WASHC2A: variants seen among roughly 807,000 people sequenced by gnomAD.
WASHC2A encodes the protein WASH complex subunit 2A.
WASHC2A carries 82 observed loss-of-function variants against 140.3 expected under a neutral mutation model. That is an observed-to-expected ratio of 0.58 (90% CI 0.49 to 0.70). WASHC2A has a LOEUF of 0.70. Ranked by LOEUF, WASHC2A falls within the 30% of genes least tolerant of loss-of-function variation. The pLI is 0.00. For synonymous variants in WASHC2A, 340 were observed against 560.8 expected (o/e 0.61, Z 5.56); for missense variants, 985 against 1,521.8 (o/e 0.65, Z 5.87).
In WASHC2A at chr10:50,129,539, G is replaced by A. The variant is rs765805318; in HGVS notation, c.3208G>A (p.Ala1070Thr). 3.1e-6 allele frequency: 5 copies of A among 1,612,058 alleles called. No individual in the cohort carries two copies. The highest frequency in any genetic ancestry group is 4.2e-6 in the Non-Finnish European group (5 of 1,179,866). The stretch of plus-strand genomic sequence containing the variant: ...CCCCAGAGGACCCATTGCACAGTGG[G>A]CTGATGGCGCCATTTCCCCAAATGG... ...SVPRGPIAQWADGAISPNGHR... is the reference protein window; with the variant it reads ...SVPRGPIAQWTDGAISPNGHR... Residue 1070 changes from alanine (A) to threonine (T), a missense_variant, in exon 29 of 31, where the codon GCT becomes ACT. Transcript: ENST00000282633.
At chr10:50,075,495 T>G (rs1399974107) in intron 3 of WASHC2A, among the ~76,000 whole-genome samples, 1 of 151,976 alleles carries the variant, frequency 6.6e-6, no homozygotes, top group Non-Finnish European at 1.5e-5. Flanking sequence ...AGCCTCAAAC[T>G]CCTGGGCTCA....
chr10:50,130,063 G>C, intron 29 of WASHC2A, 24 bp downstream of exon 29: 1 of 1,611,638 alleles, frequency 6.2e-7, no homozygotes, highest in Non-Finnish European at 8.5e-7. Flanking sequence ...ACACGTTTTT[G>C]TGTCTGTTCT....
Position 50,088,962 on chromosome 10 carries a change from T to C in WASHC2A, c.732+1640T>C, listed in dbSNP as rs1470292982. Among the ~76,000 whole-genome samples the C allele has an allele frequency of 4.2e-5, 4 of 95,992 alleles. No homozygotes were observed. The East Asian group carries it at 1.0e-3, about 25-fold the overall frequency. The allele number at this position is 95,992 out of a possible 152,430, so 63.0% of individuals were successfully genotyped here. On this transcript the variant is annotated intron_variant, in intron 8 of 30. Transcript: ENST00000282633. ...AATGCAAACAGTTTTTCTTTCCTTT[T>C]TTTTTTTTTTTTTTTTTTTTGAGAC...
Position 50,069,691 on chromosome 10 carries a change from A to G in WASHC2A, c.271A>G (p.Asn91Asp), listed in dbSNP as rs782276426. 2 of 1,613,162 alleles carry G rather than the reference A, an allele frequency of 1.2e-6. No individual in the cohort carries two copies. The highest frequency in any genetic ancestry group is 1.7e-6 in the Non-Finnish European group (2 of 1,179,668). Reference sequence around the variant, plus strand: ...CTTCAATGACTTCCTTATGCTCTCTAATACCCAGTTCATTGAGAATGTGAG... The same window carrying G: ...CTTCAATGACTTCCTTATGCTCTCTGATACCCAGTTCATTGAGAATGTGAG... The part of the protein sequence containing the change: ...NVFNDFLMLS[N>D]TQFIENRVYD... The change falls in exon 3 of 31, where the codon AAT (asparagine) becomes GAT (aspartate). Residue 91 changes from asparagine to aspartate, a missense_variant. Physicochemically the swap from Asn to Asp is conservative, Grantham distance 23 (BLOSUM62 1). Coordinates refer to ENST00000282633, the MANE Select transcript of WASHC2A (RefSeq NM_001005751.3).
intron 3 of WASHC2A, 54 bp downstream of exon 3, chr10:50,069,765 A>C: frequency 6.5e-7 from 1 of 1,532,642 alleles, no homozygotes; most frequent in Non-Finnish European, 8.8e-7. Context: ...AGATATTGTA[A>C]TTTTAAATAA....
At chr10:50,079,058 T>TG (rs1253702365) in intron 4 of WASHC2A, among the ~76,000 whole-genome samples, 2 of 150,480 alleles carry the variant, frequency 1.3e-5, no homozygotes, top group Non-Finnish European at 3.0e-5. Flanking sequence ...GAGTTACAGA[T>TG]GGACCAGCCT....
chr10:50,100,871 T>C (rs1475146877), intron 17 of WASHC2A, among the ~76,000 whole-genome samples: 2 of 152,310 alleles, frequency 1.3e-5, no homozygotes, highest in Non-Finnish European at 2.9e-5. Context: ...CTGCTTTTCC[T>C]GAGTCTCTCA....
chr10:50,106,709 A>T (rs540834574), intron 19 of WASHC2A, among the ~76,000 whole-genome samples: 43 of 137,648 alleles, frequency 3.1e-4, no homozygotes, highest in African/African-American at 9.9e-4. Context: ...CCTTCAAATG[A>T]GTTAGGCCGG....
At chr10:50,085,015 T>C (rs1839267869) in intron 6 of WASHC2A, among the ~76,000 whole-genome samples, 1 of 111,016 alleles carries the variant, frequency 9.0e-6, no homozygotes, top group African/African-American at 3.8e-5. Flanking sequence ...ACATCTCTTG[T>C]ATAATCACAG....
intron 8 of WASHC2A, 53 bp downstream of exon 8, chr10:50,087,375 G>A: frequency 1.2e-6 from 2 of 1,608,994 alleles, no homozygotes; most frequent in East Asian, 2.2e-5. Flanking sequence ...TTGAAGCATA[G>A]TATATATACT....
intron 17 of WASHC2A, among the ~76,000 whole-genome samples, chr10:50,102,183 G>A (rs1841266092): frequency 6.6e-6 from 1 of 152,164 alleles, no homozygotes; most frequent in Admixed American, 6.5e-5. Context: ...TAGAGCGAAT[G>A]TTTTTATTGG....
chr10:50,131,021 C>T lies in WASHC2A; in HGVS notation c.3829C>T (p.Pro1277Ser), dbSNP rs1843920800. The T allele has an allele frequency of 6.2e-7, 1 of 1,610,608 alleles. No individual in the cohort carries two copies. The highest frequency in any genetic ancestry group is 2.2e-5 in the East Asian group (1 of 44,868). The change falls in exon 30 of 31, where the codon CCA becomes TCA. Residue 1277 changes from proline (P) to serine (S), a missense_variant. Transcript: ENST00000282633. ...IDIFADLTVK[P>S]KEKSKKKVEA... Reference sequence around the variant, plus strand: ...TATCTTTGCTGACTTAACTGTAAAACCAAAAGAAAAGTCCAAAAAGAAAGT... The same window carrying T: ...TATCTTTGCTGACTTAACTGTAAAATCAAAAGAAAAGTCCAAAAAGAAAGT...
At chr10:50,079,826 A>G (rs1219410832) in intron 4 of WASHC2A, among the ~76,000 whole-genome samples, 2 of 151,964 alleles carry the variant, frequency 1.3e-5, no homozygotes, top group Non-Finnish European at 2.9e-5. Flanking sequence ...AAAAACTGCT[A>G]TATATTTCAT....
Position 50,091,533 on chromosome 10 carries a change from C to G in WASHC2A, c.931+15C>G, listed in dbSNP as rs1316825266. On this transcript the variant is annotated intron_variant, in intron 10 of 30. Coordinates refer to ENST00000282633, the MANE Select transcript of WASHC2A (RefSeq NM_001005751.3). ...GGAGCCGACAAGTGAGCCCCAGCCG[C>G]GTTGATGGGGAGTAGGGGGGGAGTA... 1.3e-6 allele frequency: 2 copies of G among 1,549,608 alleles called. No homozygotes were observed. The highest frequency in any genetic ancestry group is 1.7e-6 in the Non-Finnish European group (2 of 1,146,838).
chr10:50,115,282 A>G (rs1445831532), intron 21 of WASHC2A, among the ~76,000 whole-genome samples: 65 of 40,098 alleles, frequency 1.6e-3, no homozygotes, highest in African/African-American at 5.8e-3. Flanking sequence ...TATGTTGACC[A>G]AAAGGTTAAA....
rs1554894929 is a variant in WASHC2A, at chr10:50,126,152, A to C, written c.2784A>C (p.Lys928Asn). 1.9e-6 allele frequency: 3 copies of C among 1,613,640 alleles called. No individual in the cohort carries two copies. In the Admixed American group the frequency reaches 5.0e-5, roughly 27 times the overall value. Reference protein sequence around the residue: ...HPESIQGSKEKGIWKPETPQD... With the variant: ...HPESIQGSKENGIWKPETPQD... ...AATCCATTCAAGGTAGTAAAGAAAA[A>C]GGCATATGGAAGCCGGAAACACCTC... The change falls in exon 26 of 31, where the codon AAA becomes AAC. Residue 928 changes from lysine (K) to asparagine (N), a missense_variant. By Grantham distance (94) the Lys-to-Asn change is moderately conservative. Transcript: ENST00000282633.
chr10:50,077,186 C>T (rs1250256246), intron 3 of WASHC2A, among the ~76,000 whole-genome samples: 67 of 151,494 alleles, frequency 4.4e-4, no homozygotes, highest in Admixed American at 1.8e-3. Flanking sequence ...CCCAACTACT[C>T]GGGAGGCTGA....
intron 19 of WASHC2A, among the ~76,000 whole-genome samples, chr10:50,107,453 A>T (rs1841890571): frequency 6.6e-6 from 1 of 151,430 alleles, no homozygotes; most frequent in African/African-American, 2.4e-5. Context: ...AAATATGATG[A>T]TATAAAAAAT....
Position 50,106,388 on chromosome 10 carries a change from C to T in WASHC2A, c.1792C>T (p.Gln598Ter), listed in dbSNP as rs782003485. 1.2e-6 allele frequency: 2 copies of T among 1,611,896 alleles called. No homozygotes were observed. The highest frequency in any genetic ancestry group is 1.7e-6 in the Non-Finnish European group (2 of 1,179,844). ...GAAGCAGACATTGTGTCTACAAGCT[C>T]AGAGAGAAGAGAAAGCAAAAGCCTC... ...AKKQTLCLQAQREEKAKASEL... is the reference protein window; with the variant it reads ...AKKQTLCLQA Residue 598 changes from glutamine (Q) to a stop codon, truncating the protein, a stop_gained, in exon 19 of 31, where the codon CAG becomes TAG. Transcript: ENST00000282633. LOFTEE classifies it high-confidence loss of function.
Sources: allele counts gnomAD v4.1 joint callset (sites outside exome capture counted in the v4.1 genomes callset), GRCh38; gene constraint gnomAD v4.1.1; transcripts MANE v1.5; gene names NCBI Gene and HGNC (gene_info 2026-07-23, HGNC 2026-07-21).